The following DNAI4 variants were observed in gnomAD, a reference collection of about 807,000 sequenced individuals.
DNAI4 encodes WD repeat domain 78.
DNAI4 carries 85 observed loss-of-function variants against 105.8 expected under a neutral mutation model. The ratio of observed to expected loss-of-function variants is 0.80; its 90% CI spans 0.67 to 0.96. DNAI4 has a LOEUF of 0.96. Ranked by LOEUF, DNAI4 falls within the 40% of genes least tolerant of loss-of-function variation. The probability of loss-of-function intolerance (pLI) is 0.00; values close to 1 mark genes in which losing one functional copy is unlikely to be tolerated. For missense variants in DNAI4, 1,014 were observed against 1,005.6 expected (o/e 1.01, Z -0.11); for synonymous variants, 352 against 331.5 (o/e 1.06, Z -0.67).
chr1:66,814,483 C>T (rs1645473527), intron 16 of DNAI4, among the ~76,000 whole-genome samples: 1 of 152,100 alleles, frequency 6.6e-6, no homozygotes, highest in South Asian at 2.1e-4. Context: ...ATTCTCCTGC[C>T]TCAGCCTCCT....
intron 7 of DNAI4, among the ~76,000 whole-genome samples, chr1:66,850,949 A>G (rs1646384099): frequency 6.6e-6 from 1 of 151,998 alleles, no homozygotes; most frequent in Admixed American, 6.5e-5. Context: ...AAGATAGATA[A>G]GATAGAATAA....
At chr1:66,914,116 TAAAAATAA>T (rs1216033185) in intron 1 of DNAI4, among the ~76,000 whole-genome samples, 1 of 149,432 alleles carries the variant, frequency 6.7e-6, no homozygotes, top group Non-Finnish European at 1.5e-5. Flanking sequence ...AGAAAAAAAA[TAAAAATAA>T]AAAAATAAAA....
intron 14 of DNAI4, among the ~76,000 whole-genome samples, chr1:66,827,254 C>T (rs1203338183): frequency 6.6e-6 from 1 of 151,672 alleles, no homozygotes; most frequent in Non-Finnish European, 1.5e-5. Flanking sequence ...CTACAATATT[C>T]ACTAAATTTA....
At chr1:66,847,426 G>C in intron 8 of DNAI4, 58 bp downstream of exon 8, 3 of 1,508,482 alleles carry the variant, frequency 2.0e-6, no homozygotes, top group Non-Finnish European at 9.0e-7. Context: ...CCAAAGTACT[G>C]GGATTATAAG....
chr1:66,868,587 G>A (rs1233691826), intron 6 of DNAI4, among the ~76,000 whole-genome samples: 6 of 152,116 alleles, frequency 3.9e-5, no homozygotes, highest in Non-Finnish European at 8.8e-5. Context: ...CCTGCCCTCA[G>A]TGCTCCTGGT....
At chr1:66,850,385 T>C (rs976003244) in intron 7 of DNAI4, among the ~76,000 whole-genome samples, 5 of 151,474 alleles carry the variant, frequency 3.3e-5, no homozygotes, top group Non-Finnish European at 5.9e-5. Flanking sequence ...AAGAGGAAAT[T>C]AAGATGTAGT....
At chr1:66,864,419 G>A (rs937011443) in intron 6 of DNAI4, among the ~76,000 whole-genome samples, 11 of 152,020 alleles carry the variant, frequency 7.2e-5, no homozygotes, top group Admixed American at 5.2e-4. Context: ...GCATTTCTCA[G>A]TGTAATACAT....
At chr1:66,867,763 G>A (rs1257526236) in intron 6 of DNAI4, among the ~76,000 whole-genome samples, 1 of 151,892 alleles carries the variant, frequency 6.6e-6, no homozygotes, top group Non-Finnish European at 1.5e-5. Flanking sequence ...ATGACTATTT[G>A]TTTTTGAATC....
intron 1 of DNAI4, among the ~76,000 whole-genome samples, chr1:66,918,317 T>C (rs543443107): frequency 4.7e-4 from 72 of 152,344 alleles, no homozygotes; most frequent in Non-Finnish European, 9.0e-4. Context: ...TTTCCTAATG[T>C]TTTCTCAATG....
intron 15 of DNAI4, among the ~76,000 whole-genome samples, chr1:66,826,521 C>T (rs1400455469): frequency 6.6e-6 from 1 of 152,146 alleles, no homozygotes; most frequent in Non-Finnish European, 1.5e-5. Context: ...TGGTCTTGAA[C>T]TCTTGACCTC....
At chr1:66,855,108 C>T (rs895912994) in intron 7 of DNAI4, among the ~76,000 whole-genome samples, 2 of 152,206 alleles carry the variant, frequency 1.3e-5, no homozygotes, top group African/African-American at 4.8e-5. Flanking sequence ...AGCTTTCCCA[C>T]TCAGTCACTA....
Position 66,840,493 on chromosome 1 carries a change from G to A in DNAI4, c.1470C>T (p.Ser490=). The change falls in exon 9 of 17, where the codon AGC becomes AGT. Residue 490 remains serine, a synonymous_variant. Transcript: ENST00000371026. ...CDLTKGLNVS[S]LAWNKTNPDL... ...CTGGATTTGTTTTATTCCAGGCAAG[G>A]CTGCTCACATTGAGGCCTTTGGTTA... 6.2e-7 allele frequency: 1 copy of A among 1,614,156 alleles called. No homozygotes were observed. The highest frequency in any genetic ancestry group is 8.5e-7 in the Non-Finnish European group (1 of 1,180,012).
intron 4 of DNAI4, among the ~76,000 whole-genome samples, chr1:66,882,092 G>C (rs1005904879): frequency 3.9e-5 from 6 of 152,282 alleles, no homozygotes; most frequent in Middle Eastern, 3.4e-3. Flanking sequence ...TGAAATGTAA[G>C]TCCATTAAAC....
At chr1:66,907,641 G>T (rs892483261) in intron 1 of DNAI4, among the ~76,000 whole-genome samples, 6 of 152,132 alleles carry the variant, frequency 3.9e-5, no homozygotes, top group Non-Finnish European at 7.3e-5. Context: ...ATCCTCTGAA[G>T]ATTTCATATC....
intron 6 of DNAI4, among the ~76,000 whole-genome samples, chr1:66,866,452 T>G (rs552493299): frequency 3.3e-5 from 5 of 152,344 alleles, no homozygotes; most frequent in Admixed American, 3.3e-4. Context: ...GTGATCAATA[T>G]GTCAATCTCA....
chr1:66,905,180 T>G lies in DNAI4; in HGVS notation c.345+21A>C, dbSNP rs3008890. The G allele has an allele frequency of 7.3e-4, 1,061 of 1,462,678 alleles. 8 individuals are homozygous for G. In the African/African-American group the frequency reaches 0.014, roughly 19 times the overall value. The allele number at this position is 1,462,678 out of a possible 1,614,324, so 90.6% of individuals were successfully genotyped here. On this transcript the variant is annotated intron_variant, in intron 2 of 16. Transcript: ENST00000371026. The stretch of plus-strand genomic sequence containing the variant: ...TTCACAGTGCCATTTTCAAATAAAC[T>G]CAGAATTCTAAGAATATTACCTGTG...
intron 4 of DNAI4, among the ~76,000 whole-genome samples, chr1:66,885,125 T>C (rs1487074193): frequency 3.3e-5 from 5 of 152,256 alleles, no homozygotes; most frequent in African/African-American, 1.2e-4. Flanking sequence ...GTGGTTTAAT[T>C]TGCAAATGTT....
chr1:66,922,475 T>C (rs1422718694), intron 1 of DNAI4, among the ~76,000 whole-genome samples: 1 of 152,222 alleles, frequency 6.6e-6, no homozygotes, highest in African/African-American at 2.4e-5. Context: ...AGGAAGAGTC[T>C]ATAGTGAGAT....
chr1:66,871,341 A>G, intron 6 of DNAI4, 29 bp downstream of exon 6: 6 of 1,573,888 alleles, frequency 3.8e-6, no homozygotes, highest in Non-Finnish European at 5.2e-6. Context: ...AGAACATTAT[A>G]GTTTATCAAG....
Sources: allele counts gnomAD v4.1 joint callset (sites outside exome capture counted in the v4.1 genomes callset), GRCh38; gene constraint gnomAD v4.1.1; transcripts MANE v1.5; gene names NCBI Gene and HGNC (gene_info 2026-07-23, HGNC 2026-07-21).